The following FGF20 variants were observed in gnomAD, a reference collection of about 807,000 sequenced individuals.
FGF20 encodes the protein fibroblast growth factor 20.
In FGF20, 8 loss-of-function variants were observed where a neutral mutation model predicts 16.7. The ratio of observed to expected loss-of-function variants is 0.48; its 90% CI spans 0.28 to 0.87. FGF20 has a LOEUF of 0.87. Ranked by LOEUF, FGF20 falls within the 40% of genes least tolerant of loss-of-function variation. The probability of loss-of-function intolerance (pLI) is 0.10; values close to 1 mark genes in which losing one functional copy is unlikely to be tolerated. For synonymous variants in FGF20, 161 were observed against 118.6 expected (o/e 1.36, Z -2.32); for missense variants, 397 against 281.4 (o/e 1.41, Z -2.94).
At chr8:16,996,277 T>G (rs1810042705) in intron 1 of FGF20, among the ~76,000 whole-genome samples, 1 of 152,196 alleles carries the variant, frequency 6.6e-6, no homozygotes, top group South Asian at 2.1e-4. Context: ...CCTCTGCTTT[T>G]AACTGAACTA....
chr8:17,000,316 C>A (rs976250150), intron 1 of FGF20, among the ~76,000 whole-genome samples: 2 of 152,126 alleles, frequency 1.3e-5, no homozygotes, highest in South Asian at 2.1e-4. Flanking sequence ...ATTTTCTAAG[C>A]CTTTAAGTGC....
At chr8:16,995,593 C>A (rs956528475) in intron 2 of FGF20, 62 bp downstream of exon 2, 1 of 678,228 alleles carries the variant, frequency 1.5e-6, no homozygotes, top group Non-Finnish European at 2.3e-6. Context: ...ATTTTAATTA[C>A]ATAATAGATA....
intron 1 of FGF20, among the ~76,000 whole-genome samples, chr8:17,000,080 G>A (rs1049918322): frequency 6.6e-6 from 1 of 152,076 alleles, no homozygotes; most frequent in African/African-American, 2.4e-5. Context: ...GAAGTCTCAG[G>A]GCCATGCACA....
chr8:16,995,618 A>C, intron 2 of FGF20, 37 bp downstream of exon 2: 1 of 879,168 alleles, frequency 1.1e-6, no homozygotes, highest in Non-Finnish European at 1.7e-6. Flanking sequence ...ATATTTTAAG[A>C]ATTACAATAA....
intron 1 of FGF20, among the ~76,000 whole-genome samples, chr8:16,996,265 G>A (rs1325702940): frequency 2.6e-5 from 4 of 152,070 alleles, no homozygotes; most frequent in African/African-American, 9.7e-5. Context: ...ATGTGACAAG[G>A]ACCTCTGCTT....
rs1487136070 is a variant in FGF20, at chr8:16,993,126, TG to T, written c.581del (p.Pro194GlnfsTer15). ...HQKFTHFLPR[P>X]VDPERVPELY... The stretch of plus-strand genomic sequence containing the variant: ...ATTCTGGAACTCTTTCTGGATCCAC[TG>T]GTCTAGGTAAGAAATGTGTAAATTT... On this transcript the variant is annotated frameshift_variant, in exon 3 of 3. Transcript: ENST00000180166. LOFTEE classifies it high-confidence loss of function. 6.2e-7 allele frequency: 1 copy of T among 1,614,010 alleles called. No individual in the cohort carries two copies. The highest frequency in any genetic ancestry group is 8.5e-7 in the Non-Finnish European group (1 of 1,180,006).
Position 16,992,976 on chromosome 8 carries a change from A to G in FGF20, c.*96T>C, listed in dbSNP as rs182573765. Reference sequence around the variant, plus strand: ...CTCTCAGTAGAAAATAGACTTTAATATTTTGAACGTCTCCTTGGGTCATTA... The same window carrying G: ...CTCTCAGTAGAAAATAGACTTTAATGTTTTGAACGTCTCCTTGGGTCATTA... On this transcript the variant is annotated 3_prime_UTR_variant, in exon 3 of 3. Coordinates refer to ENST00000180166, the MANE Select transcript of FGF20 (RefSeq NM_019851.3). 3.5e-6 allele frequency: 5 copies of G among 1,429,610 alleles called. No individual in the cohort carries two copies. The highest frequency in any genetic ancestry group is 4.6e-5 in the East Asian group (2 of 43,632). The allele number at this position is 1,429,610 out of a possible 1,614,324, so 88.6% of individuals were successfully genotyped here.
chr8:16,998,930 C>G (rs897269712), intron 1 of FGF20, among the ~76,000 whole-genome samples: 44 of 151,858 alleles, frequency 2.9e-4, no homozygotes, highest in African/African-American at 1.1e-3. Context: ...AATAGCCATC[C>G]TTAAGTTTTC....
At chr8:16,993,960 C>T (rs1809980212) in intron 2 of FGF20, among the ~76,000 whole-genome samples, 1 of 152,166 alleles carries the variant, frequency 6.6e-6, no homozygotes, top group Admixed American at 6.5e-5. Context: ...GTTTCGCTCA[C>T]TTGCCTGCTG....
In FGF20 at chr8:17,001,841, C is replaced by T. The variant is rs1228106348; in HGVS notation, c.192G>A (p.Leu64=). Reference sequence around the variant, plus strand: ...TGCGGCAATAGAGCTGCCGGCGGCGCAGGATGCCGTGCAGGTGCGCCAGCT... The same window carrying T: ...TGCGGCAATAGAGCTGCCGGCGGCGTAGGATGCCGTGCAGGTGCGCCAGCT... ...AAQLAHLHGI[L]RRRQLYCRTG... is the part of the protein sequence containing the mutation. Residue 64 remains leucine (L), a synonymous_variant, in exon 1 of 3, where the codon CTG becomes CTA. Transcript: ENST00000180166. The T allele has an allele frequency of 2.6e-6, 4 of 1,519,082 alleles. No homozygotes were observed. 94.1% of individuals were successfully genotyped at this position (1,519,082 alleles called of 1,614,324 possible).
Position 17,001,970 on chromosome 8 carries a change from C to A in FGF20, c.63G>T (p.Val21=). The change falls in exon 1 of 3, where the codon GTG becomes GTT. Residue 21 remains valine (V), a synonymous_variant. Transcript: ENST00000180166. Reference sequence around the variant, plus strand: ...CAGGAGGCAACAGGAAATGCGAACCCACCTGCTGGCCCAAGCCCTCCAGGC... The same window carrying A: ...CAGGAGGCAACAGGAAATGCGAACCAACCTGCTGGCCCAAGCCCTCCAGGC... ...LGGLEGLGQQ[V]GSHFLLPPAG... is the part of the protein sequence containing the mutation. 1 of 1,510,948 alleles carries A rather than the reference C, an allele frequency of 6.6e-7. No individual in the cohort carries two copies. The highest frequency in any genetic ancestry group is 2.9e-5 in the East Asian group (1 of 34,696). The allele number at this position is 1,510,948 out of a possible 1,614,324, so 93.6% of individuals were successfully genotyped here. A position where few individuals can be genotyped will look rare whatever the true frequency, so the allele number is the denominator to read the frequency against.
In FGF20 at chr8:16,993,181, C is replaced by T. The variant is rs1809956313; in HGVS notation, c.527G>A (p.Arg176Lys). ...ATGCCTCTTGGACCTGGCGCCATCT[C>T]TTGGAGTTCCGTCTTTGTTAAGTGC... is the stretch of plus-strand genomic sequence containing the variant. ...FVALNKDGTP[R>K]DGARSKRHQK... Residue 176 changes from arginine to lysine, a missense_variant, in exon 3 of 3, where the codon AGA (arginine) becomes AAA (lysine). Arg to Lys is a conservative substitution (Grantham distance 26). Coordinates refer to ENST00000180166, the MANE Select transcript of FGF20 (RefSeq NM_019851.3). 1 of 1,614,100 alleles carries T rather than the reference C, an allele frequency of 6.2e-7. No individual in the cohort carries two copies. The highest frequency in any genetic ancestry group is 8.5e-7 in the Non-Finnish European group (1 of 1,180,014).
rs746538964 is a variant in FGF20 at position 16,993,366 on chromosome 8, T to C, written c.391-49A>G. 29 of 1,504,894 alleles carry C rather than the reference T, an allele frequency of 1.9e-5. No homozygotes were observed. The South Asian group carries it at 3.4e-4, about 17-fold the overall frequency. The allele number at this position is 1,504,894 out of a possible 1,614,324, so 93.2% of individuals were successfully genotyped here. On this transcript the variant is annotated intron_variant, in intron 2 of 2. Coordinates refer to ENST00000180166, the MANE Select transcript of FGF20 (RefSeq NM_019851.3). Reference sequence around the variant, plus strand: ...ATTTTTTAAAAAAATACCTTTGAGATAATTTCCTTACAAGTTTCAACTCTA... The same window carrying C: ...ATTTTTTAAAAAAATACCTTTGAGACAATTTCCTTACAAGTTTCAACTCTA...
At chr8:16,997,271 A>G (rs1319983734) in intron 1 of FGF20, among the ~76,000 whole-genome samples, 1 of 152,126 alleles carries the variant, frequency 6.6e-6, no homozygotes, top group African/African-American at 2.4e-5. Context: ...GAAAAAGCAT[A>G]GCTGTATTTT....
rs1179987939 is a variant in FGF20 at position 17,002,265 on chromosome 8, A to T, written c.-233T>A. Reference sequence around the variant, plus strand: ...GGAGCCGGCTGCTGGCTCTGCAGAAATATCTATAGCTGCCGCTGCCAATAC... The same window carrying T: ...GGAGCCGGCTGCTGGCTCTGCAGAATTATCTATAGCTGCCGCTGCCAATAC... On this transcript the variant is annotated 5_prime_UTR_variant, in exon 1 of 3. Transcript: ENST00000180166. The T allele has an allele frequency of 4.3e-6, 2 of 461,140 alleles. No homozygotes were observed. Among genetic ancestry groups the T allele is most frequent in the Non-Finnish European group, 7.5e-6 (2 of 268,194 alleles). 28.6% of individuals were successfully genotyped at this position (461,140 alleles called of 1,614,324 possible). A position where few individuals can be genotyped will look rare whatever the true frequency, so the allele number is the denominator to read the frequency against.
In FGF20 at chr8:16,992,592, G is replaced by A. The variant is rs1351326905; in HGVS notation, c.*480C>T. 6.6e-6 allele frequency: 1 copy of A among 151,576 alleles called. No individual in the cohort carries two copies. The highest frequency in any genetic ancestry group is 2.4e-5 in the African/African-American group (1 of 41,230). 9.4% of individuals were successfully genotyped at this position (151,576 alleles called of 1,614,324 possible). A position where few individuals can be genotyped will look rare whatever the true frequency, so the allele number is the denominator to read the frequency against. ...TGTTTCATAGTTCATGTTTCACCCA[G>A]GTGTTGTTTAGTTTTTTTTTTTCTT... On this transcript the variant is annotated 3_prime_UTR_variant, in exon 3 of 3. Transcript: ENST00000180166.
At chr8:17,001,421 T>A (rs1810178122) in intron 1 of FGF20, among the ~76,000 whole-genome samples, 1 of 151,976 alleles carries the variant, frequency 6.6e-6, no homozygotes, top group Non-Finnish European at 1.5e-5. Context: ...GTGCACCAGG[T>A]CTTGGTGTCC....
Position 16,997,599 on chromosome 8 carries a change from T to C in FGF20, c.287-1841A>G, listed in dbSNP as rs560229974. ...GAGATCATGTAGAACACTAGAGCTATCAAGGATCTTACAGCAACAATACAC... is the reference window on the plus strand; with the variant it reads ...GAGATCATGTAGAACACTAGAGCTACCAAGGATCTTACAGCAACAATACAC... On this transcript the variant is annotated intron_variant, in intron 1 of 2. Transcript: ENST00000180166. Among the ~76,000 whole-genome samples, 17 of 152,314 alleles carry C rather than the reference T, an allele frequency of 1.1e-4. No homozygotes were observed. The South Asian group carries it at 1.9e-3, about 17-fold the overall frequency.
chr8:16,994,895 G>C (rs1288543007), intron 2 of FGF20, among the ~76,000 whole-genome samples: 1 of 152,116 alleles, frequency 6.6e-6, no homozygotes, highest in Non-Finnish European at 1.5e-5. Context: ...AACAATGAAA[G>C]AGAAAAATCC....
Sources: allele counts gnomAD v4.1 joint callset (sites outside exome capture counted in the v4.1 genomes callset), GRCh38; gene constraint gnomAD v4.1.1; transcripts MANE v1.5; gene names NCBI Gene and HGNC (gene_info 2026-07-23, HGNC 2026-07-21).